Variants in FAM83E observed in about 807,000 individuals in gnomAD.
FAM83E encodes protein FAM83E.
A neutral mutation model predicts 34.3 loss-of-function variants in FAM83E; 29 were observed. The ratio of observed to expected loss-of-function variants is 0.85; its 90% CI spans 0.63 to 1.15. The LOEUF (loss-of-function observed/expected upper bound fraction) is 1.15, where lower values mean the gene tolerates loss of function less well. FAM83E is among the 50% of genes most tolerant of loss of function. The pLI, the probability that FAM83E is intolerant of heterozygous loss-of-function variation, is 0.00. For synonymous variants in FAM83E, 312 were observed against 311.6 expected (o/e 1.00, Z -0.01); for missense variants, 697 against 685.0 (o/e 1.02, Z -0.20).
chr19:48,610,870 T>C (rs1472524527), intron 3 of FAM83E, 23 bp from the exon 4 acceptor site: 7 of 1,577,110 alleles, frequency 4.4e-6, no homozygotes, highest in Non-Finnish European at 6.0e-6. Context: ...AGAGGGGCGG[T>C]GGGCTTGTGA....
At position 48,614,688 on chromosome 19, in the gene FAM83E, C is replaced by T. The variant is rs1232546716; in HGVS notation, c.-1256+20G>A. 5.1e-6 allele frequency: 5 copies of T among 985,476 alleles called. No individual in the cohort carries two copies. The highest frequency in any genetic ancestry group is 4.7e-5 in the South Asian group (1 of 21,304). 61.0% of individuals were successfully genotyped at this position (985,476 alleles called of 1,614,324 possible). A position where few individuals can be genotyped will look rare whatever the true frequency, so the allele number is the denominator to read the frequency against. ...CTCCCCGCCCCACCCTCACCCATCCCCCCCATCGCCGGGGCTCACCCACAC... is the reference window on the plus strand; with the variant it reads ...CTCCCCGCCCCACCCTCACCCATCCTCCCCATCGCCGGGGCTCACCCACAC... On this transcript the variant is annotated intron_variant, in intron 2 of 6. Coordinates refer to ENST00000263266, the MANE Select transcript of FAM83E (RefSeq NM_017708.4).
intron 6 of FAM83E, among the ~76,000 whole-genome samples, chr19:48,602,861 A>ATTT (rs1357117575): frequency 7.3e-5 from 10 of 136,442 alleles, no homozygotes; most frequent in African/African-American, 2.5e-4. Flanking sequence ...TATTATTATT[A>ATTT]TTATTATTTT....
chr19:48,608,429 T>C (rs1277688667), intron 5 of FAM83E, among the ~76,000 whole-genome samples: 2 of 147,174 alleles, frequency 1.4e-5, no homozygotes, highest in Non-Finnish European at 3.0e-5. Flanking sequence ...CGTTTTCTTT[T>C]TCTTTTCCTT....
At chr19:48,612,199 C>T (rs893286376) in intron 3 of FAM83E, among the ~76,000 whole-genome samples, 1 of 152,076 alleles carries the variant, frequency 6.6e-6, no homozygotes, top group South Asian at 2.1e-4. Flanking sequence ...AGCTGGCGGA[C>T]GCTAAGGCTG....
rs1246935640 is a variant in FAM83E, at chr19:48,613,389, G to A, written c.-17C>T. ...GGCCGCCATCGGGGTCACTCGGGTG[G>A]GAGGACTGACTGTGAGAGGCTGGGT... On this transcript the variant is annotated 5_prime_UTR_variant, in exon 3 of 7. Transcript: ENST00000263266. The A allele has an allele frequency of 6.6e-7, 1 of 1,523,176 alleles. No individual in the cohort carries two copies. The highest frequency in any genetic ancestry group is 2.0e-5 in the Admixed American group (1 of 50,074). The allele number at this position is 1,523,176 out of a possible 1,614,324, so 94.4% of individuals were successfully genotyped here.
rs779066224 is a variant in FAM83E, at chr19:48,600,948, C to T, written c.*161G>A. On this transcript the variant is annotated 3_prime_UTR_variant, in exon 7 of 7. Coordinates refer to ENST00000263266, the MANE Select transcript of FAM83E (RefSeq NM_017708.4). Reference sequence around the variant, plus strand: ...GATTACAGGCATGAGCCACCACTCCCGGCCCAAGTTGCAGAACAAGTGACA... The same window carrying T: ...GATTACAGGCATGAGCCACCACTCCTGGCCCAAGTTGCAGAACAAGTGACA... 6.2e-5 allele frequency: 89 copies of T among 1,426,736 alleles called. No individual in the cohort carries two copies. Among genetic ancestry groups the T allele is most frequent in the African/African-American group, 2.3e-4 (16 of 69,044 alleles). The allele number at this position is 1,426,736 out of a possible 1,614,324, so 88.4% of individuals were successfully genotyped here.
chr19:48,610,868 G>A (rs377644637), intron 3 of FAM83E, 21 bp from the exon 4 acceptor site: 39 of 1,578,346 alleles, frequency 2.5e-5, no homozygotes, highest in Middle Eastern at 1.7e-4. Flanking sequence ...GGAGAGGGGC[G>A]GTGGGCTTGT....
Position 48,601,078 on chromosome 19 carries a change from G to A in FAM83E, c.*31C>T, listed in dbSNP as rs1173420233. On this transcript the variant is annotated 3_prime_UTR_variant, in exon 7 of 7. Coordinates refer to ENST00000263266, the MANE Select transcript of FAM83E (RefSeq NM_017708.4). ...ACAGTTGTCCGGCACTGCTCCTTGG[G>A]TGGGCCAGCAGATTTGGCTTGGGCT... is the stretch of plus-strand genomic sequence containing the variant. 1.9e-6 allele frequency: 3 copies of A among 1,589,518 alleles called. No homozygotes were observed. In the South Asian group the frequency reaches 3.4e-5, roughly 18 times the overall value.
rs1452515949 is a variant in FAM83E, at chr19:48,614,331, T to TG, written c.-960dup. 3.2e-5 allele frequency: 32 copies of TG among 985,474 alleles called. No homozygotes were observed. The highest frequency in any genetic ancestry group is 3.7e-5 in the Non-Finnish European group (31 of 830,144). The allele number at this position is 985,474 out of a possible 1,614,324, so 61.0% of individuals were successfully genotyped here. A position where few individuals can be genotyped will look rare whatever the true frequency, so the allele number is the denominator to read the frequency against. Reference sequence around the variant, plus strand: ...CCTCCTCAGGCTGGCTGCCCCTGCCTGGGGCCTGGCCCTGGGACCTGTTCC... The same window carrying TG: ...CCTCCTCAGGCTGGCTGCCCCTGCCTGGGGGCCTGGCCCTGGGACCTGTTCC... On this transcript the variant is annotated 5_prime_UTR_variant, in exon 3 of 7. Coordinates refer to ENST00000263266, the MANE Select transcript of FAM83E (RefSeq NM_017708.4).
chr19:48,612,222 C>A (rs1050422800), intron 3 of FAM83E, among the ~76,000 whole-genome samples: 1 of 152,056 alleles, frequency 6.6e-6, no homozygotes, highest in Middle Eastern at 3.2e-3. Context: ...AAGTACACAG[C>A]AGGCTTTCCA....
In FAM83E at chr19:48,612,990, G is replaced by A. The variant is rs753213679; in HGVS notation, c.383C>T (p.Ala128Val). The change falls in exon 3 of 7, where the codon GCG becomes GTG. Residue 128 changes from alanine to valine, a missense_variant. Physicochemically the swap from Ala to Val is moderately conservative, Grantham distance 64. Transcript: ENST00000263266. The stretch of plus-strand genomic sequence containing the variant: ...TCCAGGAGGCTGGGTGTACAGCTGC[G>A]CCCGGGTGATGCCTTTCCACGCAGA... ...VDSAWKGITR[A>V]QLYTQPPGEG... 9.4e-6 allele frequency: 15 copies of A among 1,604,070 alleles called. No individual in the cohort carries two copies. The highest frequency in any genetic ancestry group is 4.5e-5 in the East Asian group (2 of 44,428).
At chr19:48,603,999 T>C in intron 5 of FAM83E, 88 bp from the exon 6 acceptor site, 3 of 1,406,794 alleles carry the variant, frequency 2.1e-6, no homozygotes, top group Non-Finnish European at 2.9e-6. Flanking sequence ...GGGGAGACCG[T>C]AGGACCTCAG....
At chr19:48,611,723 C>T (rs897775061) in intron 3 of FAM83E, among the ~76,000 whole-genome samples, 1 of 152,248 alleles carries the variant, frequency 6.6e-6, no homozygotes, top group African/African-American at 2.4e-5. Flanking sequence ...CAGCCTTGGC[C>T]TCCCAAAGTG....
Position 48,607,034 on chromosome 19 carries a change from G to T in FAM83E, c.758+2842C>A, listed in dbSNP as rs1181106327. The T allele has an allele frequency of 6.0e-5, 96 of 1,611,996 alleles. No individual in the cohort carries two copies. The highest frequency in any genetic ancestry group is 7.9e-5 in the Non-Finnish European group (93 of 1,180,000). The stretch of plus-strand genomic sequence containing the variant: ...ATGGCTCTGCCCCCAGGCACGACGG[G>T]CGTCAAGGACTGCGTCTTCTGTGAG... On this transcript the variant is annotated intron_variant, in intron 5 of 6. Coordinates refer to ENST00000263266, the MANE Select transcript of FAM83E (RefSeq NM_017708.4).
In FAM83E at chr19:48,613,784, T is replaced by A; in HGVS notation, c.-412A>T. The A allele has an allele frequency of 1.0e-6, 1 of 985,382 alleles. No homozygotes were observed. Among genetic ancestry groups the A allele is most frequent in the Non-Finnish European group, 1.2e-6 (1 of 829,916 alleles). 61.0% of individuals were successfully genotyped at this position (985,382 alleles called of 1,614,324 possible). A position where few individuals can be genotyped will look rare whatever the true frequency, so the allele number is the denominator to read the frequency against. On this transcript the variant is annotated 5_prime_UTR_variant, in exon 3 of 7. Coordinates refer to ENST00000263266, the MANE Select transcript of FAM83E (RefSeq NM_017708.4). ...AGCCTCCAACCCACCAGTCACACAG[T>A]GCCCAGTCAGACCCTTCAGCTGTCC...
At chr19:48,612,056 A>G (rs1444610650) in intron 3 of FAM83E, among the ~76,000 whole-genome samples, 1 of 152,144 alleles carries the variant, frequency 6.6e-6, no homozygotes. Flanking sequence ...GCCTGGGTTC[A>G]AATCCCCACT....
intron 6 of FAM83E, among the ~76,000 whole-genome samples, 185 bp downstream of exon 6, chr19:48,603,289 ATGCCACCCAGCGCCCACCTG>A (rs1456342406): frequency 6.6e-6 from 1 of 152,070 alleles, no homozygotes; most frequent in Non-Finnish European, 1.5e-5. Context: ...TCTCTGCCCC[ATGCCACCCAGCGCCCACCTG>A]CCCAAAATGC....
rs567645187 is a variant in FAM83E at position 48,600,376 on chromosome 19, C to A, written c.*733G>T. ...TTTGAGATGAAATCTCGCTCTGTCA[C>A]CCAGGCTGGAGTGCAGTGGCGTGAT... On this transcript the variant is annotated 3_prime_UTR_variant, in exon 7 of 7. Transcript: ENST00000263266. 6.6e-6 allele frequency among the ~76,000 whole-genome samples: 1 copy of A among 152,360 alleles called. No homozygotes were observed. The highest frequency in any genetic ancestry group is 1.9e-4 in the East Asian group (1 of 5,182).
At chr19:48,601,799 G>A (rs1973821081) in intron 6 of FAM83E, among the ~76,000 whole-genome samples, 1 of 151,048 alleles carries the variant, frequency 6.6e-6, no homozygotes, top group Non-Finnish European at 1.5e-5. Context: ...AGGATTTGAG[G>A]GAGGTGGAAG....
Sources: gnomAD v4.1 joint callset for allele counts (sites outside exome capture counted in the v4.1 genomes callset) on GRCh38, gnomAD v4.1.1 for gene constraint, MANE v1.5 for transcripts, NCBI Gene and HGNC (gene_info 2026-07-23, HGNC 2026-07-21) for gene names.